EXOC4: variants seen among roughly 807,000 people sequenced by gnomAD.
EXOC4 encodes exocyst complex component 4.
Under a neutral mutation model 107.2 loss-of-function variants are expected in EXOC4, and 71 were observed. The observed-to-expected ratio is 0.66, with a 90% confidence interval of 0.55 to 0.81. The LOEUF (loss-of-function observed/expected upper bound fraction) is 0.81. Among genes scored for constraint, EXOC4 ranks in the 30% least tolerant of loss-of-function variants. EXOC4 has a pLI of 0.00. For missense variants in EXOC4, 1,108 were observed against 1,189.6 expected, an observed-to-expected ratio of 0.93 and a Z score of 1.01; for synonymous variants, 456 against 441.2, an observed-to-expected ratio of 1.03 and a Z score of -0.42.
chr7:133,882,102 A>G (rs1034923705), intron 11 of EXOC4, among the ~76,000 whole-genome samples: 2 of 152,202 alleles, frequency 1.3e-5, no homozygotes, highest in African/African-American at 4.8e-5. Flanking sequence ...ACCAAACAGT[A>G]TATATCTTTC....
At chr7:133,352,799 G>A (rs1319330750) in intron 5 of EXOC4, among the ~76,000 whole-genome samples, 6 of 151,484 alleles carry the variant, frequency 4.0e-5, no homozygotes, top group South Asian at 2.1e-4. Context: ...TTTCCCGATG[G>A]TATGCATTCT....
intron 9 of EXOC4, among the ~76,000 whole-genome samples, chr7:133,566,111 A>G (rs1800901202): frequency 1.3e-5 from 2 of 152,222 alleles, no homozygotes; most frequent in Non-Finnish European, 2.9e-5. Flanking sequence ...CCTATATGAA[A>G]ATATAGATTC....
intron 9 of EXOC4, among the ~76,000 whole-genome samples, chr7:133,503,391 C>A (rs12707092): frequency 6.6e-6 from 1 of 152,014 alleles, no homozygotes; most frequent in Admixed American, 6.6e-5. Flanking sequence ...TCTCTAAAGC[C>A]CCTCTGGTTT....
At chr7:133,846,305 A>G (rs1382468785) in intron 11 of EXOC4, among the ~76,000 whole-genome samples, 1 of 152,184 alleles carries the variant, frequency 6.6e-6, no homozygotes, top group East Asian at 1.9e-4. Flanking sequence ...AGTTTCTTGT[A>G]ACCTTCAAAA....
intron 10 of EXOC4, among the ~76,000 whole-genome samples, chr7:133,702,128 T>C (rs1445396342): frequency 6.6e-6 from 1 of 151,262 alleles, no homozygotes; most frequent in Non-Finnish European, 1.5e-5. Flanking sequence ...ACTCTGAATG[T>C]ATAAGCTACT....
At chr7:133,606,518 T>A (rs1260542426) in intron 9 of EXOC4, among the ~76,000 whole-genome samples, 1 of 105,810 alleles carries the variant, frequency 9.5e-6, no homozygotes, top group East Asian at 2.3e-4. Context: ...ATTATTATTA[T>A]TTTTTTTTTT....
chr7:133,939,278 C>T (rs1563064651), intron 14 of EXOC4, among the ~76,000 whole-genome samples: 1 of 152,014 alleles, frequency 6.6e-6, no homozygotes. Flanking sequence ...TGTTTCCAGC[C>T]TAGAGATGGA....
At chr7:133,283,255 T>G (rs565438987) in intron 2 of EXOC4, among the ~76,000 whole-genome samples, 1 of 152,214 alleles carries the variant, frequency 6.6e-6, no homozygotes, top group South Asian at 2.1e-4. Flanking sequence ...GATACTTTTT[T>G]GTGGAGATGG....
At chr7:133,592,441 AT>A (rs1801571252) in intron 9 of EXOC4, among the ~76,000 whole-genome samples, 1 of 152,026 alleles carries the variant, frequency 6.6e-6, no homozygotes, top group South Asian at 2.1e-4. Flanking sequence ...GTAGTTATTA[AT>A]TTTTTTAAAT....
chr7:134,001,451 C>G (rs76413777), intron 15 of EXOC4, among the ~76,000 whole-genome samples: 1 of 142,500 alleles, frequency 7.0e-6, no homozygotes, highest in Non-Finnish European at 1.5e-5. Flanking sequence ...ATTTGGCATT[C>G]GCTGATGACT....
Position 133,933,901 on chromosome 7 carries a change from G to A in EXOC4, c.2028-3990G>A, listed in dbSNP as rs369809346. 3.5e-4 allele frequency among the ~76,000 whole-genome samples: 54 copies of A among 152,258 alleles called. 1 individual carries two copies. The highest frequency in any genetic ancestry group is 3.4e-3 in the Middle Eastern group (1 of 294). On this transcript the variant is annotated intron_variant, in intron 13 of 17. Transcript: ENST00000253861. ...CACTAAAACGTGAAGTTGTTTTTTG[G>A]AGAACATATGGACAGTATAGAAAAG...
intron 12 of EXOC4, among the ~76,000 whole-genome samples, chr7:133,913,702 A>G (rs1157131343): frequency 6.6e-6 from 1 of 152,204 alleles, no homozygotes; most frequent in Non-Finnish European, 1.5e-5. Flanking sequence ...TGAAATGCAG[A>G]TGGAACTTTC....
At chr7:133,723,733 T>C (rs1795156377) in intron 10 of EXOC4, among the ~76,000 whole-genome samples, 1 of 152,040 alleles carries the variant, frequency 6.6e-6, no homozygotes. Context: ...TCGGGTAAGG[T>C]ACATGCCTCG....
At chr7:133,468,644 A>G (rs959157153) in intron 7 of EXOC4, among the ~76,000 whole-genome samples, 24 of 152,160 alleles carry the variant, frequency 1.6e-4, no homozygotes, top group Admixed American at 7.8e-4. Flanking sequence ...GTAAGACTAT[A>G]CTTTCTGCTT....
At chr7:133,544,831 C>CTTTTT (rs11330928) in intron 9 of EXOC4, among the ~76,000 whole-genome samples, 1 of 141,618 alleles carries the variant, frequency 7.1e-6, no homozygotes, top group African/African-American at 2.6e-5. Context: ...GTTTCCTTCC[C>CTTTTT]TTTTTTTTTT....
At chr7:133,780,086 G>A (rs1796431645) in intron 10 of EXOC4, among the ~76,000 whole-genome samples, 4 of 152,166 alleles carry the variant, frequency 2.6e-5, no homozygotes, top group Admixed American at 2.6e-4. Context: ...TGGAAGAGCA[G>A]GGGTTAGATG....
At position 133,543,300 on chromosome 7, in the gene EXOC4, T is replaced by C. The variant is rs1162521009; in HGVS notation, c.1417+63162T>C. Among the ~76,000 whole-genome samples the C allele has an allele frequency of 2.0e-5, 3 of 152,296 alleles. No individual in the cohort carries two copies. In the East Asian group the frequency reaches 5.8e-4, roughly 29 times the overall value. On this transcript the variant is annotated intron_variant, in intron 9 of 17. Transcript: ENST00000253861. ...TCTGTTCAATATTTATTTAAGCTAA[T>C]TCAAGCATCGATGATATAATTTAAT...
chr7:133,994,677 G>A (rs1029626228), intron 14 of EXOC4, among the ~76,000 whole-genome samples: 4 of 152,072 alleles, frequency 2.6e-5, no homozygotes, highest in East Asian at 1.9e-4. Context: ...AGCCCAATAC[G>A]CGTGGGCTCT....
At chr7:134,043,440 A>G (rs1228785580) in intron 17 of EXOC4, among the ~76,000 whole-genome samples, 1 of 152,246 alleles carries the variant, frequency 6.6e-6, no homozygotes, top group East Asian at 1.9e-4. Flanking sequence ...AAACATTTGC[A>G]GAAACATTTG....
Sources: allele counts gnomAD v4.1 joint callset (sites outside exome capture counted in the v4.1 genomes callset), GRCh38; gene constraint gnomAD v4.1.1; transcripts MANE v1.5; gene names NCBI Gene and HGNC (gene_info 2026-07-23, HGNC 2026-07-21).